The following MUC17 variants were observed in gnomAD, a reference collection of about 807,000 sequenced individuals.
The protein encoded by MUC17 is mucin-17.
MUC17 carries 190 observed loss-of-function variants against 170.3 expected under a neutral mutation model. The observed-to-expected ratio is 1.12, with a 90% CI of 0.99 to 1.26. The LOEUF (loss-of-function observed/expected upper bound fraction) is 1.26, where lower values mean the gene tolerates loss of function less well. MUC17 is among the 50% of genes most tolerant of loss of function. The pLI is 0.00. For missense variants in MUC17, 6,415 were observed against 5,530.0 expected, an observed-to-expected ratio of 1.16 and a Z score of -5.08; for synonymous variants, 2,325 against 2,002.5, an observed-to-expected ratio of 1.16 and a Z score of -4.30.
At chr7:101,031,039 A>T in intron 1 of MUC17, 81 bp from the exon 2 acceptor site, 1 of 1,474,382 alleles carries the variant, frequency 6.8e-7, no homozygotes, top group Non-Finnish European at 9.1e-7. Flanking sequence ...TTTCCAGGGC[A>T]GGGAGTAGAG....
chr7:101,049,218 A>G (rs1794893363), intron 5 of MUC17, 106 bp from the exon 6 acceptor site: 2 of 1,525,574 alleles, frequency 1.3e-6, no homozygotes, highest in African/African-American at 1.4e-5. Flanking sequence ...TGAGTGTGCT[A>G]TGATGCTGCG....
intron 1 of MUC17, among the ~76,000 whole-genome samples, chr7:101,020,448 T>C (rs1363063729): frequency 6.6e-6 from 1 of 152,128 alleles, no homozygotes; most frequent in Non-Finnish European, 1.5e-5. Flanking sequence ...TGAGCCTTAG[T>C]TTCCCCTTCC....
rs1011687137 is a variant in MUC17, at chr7:101,032,759, G to A, written c.1343G>A (p.Ser448Asn). The A allele has an allele frequency of 3.1e-6, 5 of 1,613,728 alleles. No homozygotes were observed. The South Asian group carries it at 3.3e-5, about 11-fold the overall frequency. Residue 448 changes from serine to asparagine, a missense_variant, in exon 3 of 13, where the codon AGT (serine) becomes AAT (asparagine). Physicochemically the swap from Ser to Asn is conservative, Grantham distance 46. Transcript: ENST00000306151. ...ACCAGCATTGCAACCTCAACTCCTA[G>A]TGAAGGAAGCACTCCATTAACAAGT... The part of the protein sequence containing the change: ...EDTSIATSTP[S>N]EGSTPLTSMP...
chr7:101,053,518 A>C (rs971848121), intron 11 of MUC17, 82 bp downstream of exon 11: 7 of 1,129,780 alleles, frequency 6.2e-6, no homozygotes, highest in African/African-American at 3.1e-5. Flanking sequence ...CTGTAATCCC[A>C]GCACTTTGAA....
At position 101,051,803 on chromosome 7, in the gene MUC17, A is replaced by G. The variant is rs1292868360; in HGVS notation, c.12944A>G (p.Glu4315Gly). The G allele has an allele frequency of 6.2e-7, 1 of 1,613,028 alleles. No homozygotes were observed. Among genetic ancestry groups the G allele is most frequent in the Admixed American group, 1.7e-5 (1 of 59,984 alleles). ...TCCCTGTCCCTGCACCCCCCACCAGAGGACTGCCGGAAGATGGCCAAGGAA... is the reference window on the plus strand; with the variant it reads ...TCCCTGTCCCTGCACCCCCCACCAGGGGACTGCCGGAAGATGGCCAAGGAA... ...NITVTQYDPE[E>G]DCRKMAKEYG... The change falls in exon 9 of 13, where the codon GAG becomes GGG. Residue 4315 changes from glutamate to glycine, a missense_variant and splice_region_variant. Glu to Gly is a moderately conservative substitution (Grantham distance 98). Transcript: ENST00000306151.
At position 101,034,744 on chromosome 7, in the gene MUC17, A is replaced by C. The variant is rs535755711; in HGVS notation, c.3328A>C (p.Thr1110Pro). Residue 1110 changes from threonine to proline, a missense_variant, in exon 3 of 13, where the codon ACC becomes CCC. Coordinates refer to ENST00000306151, the MANE Select transcript of MUC17 (RefSeq NM_001040105.2). ...TCCACTAACAAGTGTGCCTGTCAGC[A>C]CCAGGCTGGTGGTCAGTTCTGAGGC... Reference protein sequence around the residue: ...STPLTSVPVSTRLVVSSEAST... With the variant: ...STPLTSVPVSPRLVVSSEAST... The C allele has an allele frequency of 8.1e-6, 13 of 1,606,824 alleles. No homozygotes were observed. Among genetic ancestry groups the C allele is most frequent in the Non-Finnish European group, 1.1e-5 (13 of 1,176,020 alleles).
intron 10 of MUC17, 21 bp from the exon 11 acceptor site, chr7:101,053,318 C>G (rs1279482465): frequency 3.9e-5 from 63 of 1,607,116 alleles, no homozygotes; most frequent in Admixed American, 5.0e-5. Flanking sequence ...AATGGGGTCT[C>G]TCTGATGTTT....
At chr7:101,023,677 A>G (rs1023769133) in intron 1 of MUC17, among the ~76,000 whole-genome samples, 11 of 152,158 alleles carry the variant, frequency 7.2e-5, no homozygotes, top group Admixed American at 4.6e-4. Flanking sequence ...AAGTGTGGGG[A>G]TTACAGGCAT....
In MUC17 at chr7:101,035,036, C is replaced by T. The variant is rs1325289225; in HGVS notation, c.3620C>T (p.Thr1207Ile). ...ASSPPPTAEV[T>I]SMPTSTPGER... ...TCACCTCCTCCAACTGCTGAAGTTACCAGCATGCCAACCTCAACTCCTGGA... is the reference window on the plus strand; with the variant it reads ...TCACCTCCTCCAACTGCTGAAGTTATCAGCATGCCAACCTCAACTCCTGGA... Residue 1207 changes from threonine to isoleucine, a missense_variant, in exon 3 of 13, where the codon ACC becomes ATC. Thr to Ile is a moderately conservative substitution (Grantham distance 89). Transcript: ENST00000306151. 4.3e-6 allele frequency: 7 copies of T among 1,614,068 alleles called. No individual in the cohort carries two copies. The highest frequency in any genetic ancestry group is 1.3e-5 in the African/African-American group (1 of 74,946).
intron 1 of MUC17, among the ~76,000 whole-genome samples, chr7:101,030,876 G>A (rs573995108): frequency 1.2e-4 from 18 of 152,286 alleles, no homozygotes; most frequent in Admixed American, 8.5e-4. Context: ...CTGGAACTAC[G>A]GGCACATGCC....
rs1414894992 is a variant in MUC17 at position 101,034,992 on chromosome 7, C to T, written c.3576C>T (p.Ala1192=). 9 of 1,613,964 alleles carry T rather than the reference C, an allele frequency of 5.6e-6. No homozygotes were observed. The highest frequency in any genetic ancestry group is 7.6e-6 in the Non-Finnish European group (9 of 1,179,986). The change falls in exon 3 of 13, where the codon GCC becomes GCT. Residue 1192 remains alanine (A), a synonymous_variant. Coordinates refer to ENST00000306151, the MANE Select transcript of MUC17 (RefSeq NM_001040105.2). ...TTPVDSKTQV[A]TSTEASSPPP... is the part of the protein sequence containing the mutation. ...CTGTGGACTCCAAAACTCAGGTGGC[C>T]ACTTCTACTGAAGCCAGTTCACCTC...
In MUC17 at chr7:101,032,485, A is replaced by G; in HGVS notation, c.1069A>G (p.Thr357Ala). The G allele has an allele frequency of 6.2e-7, 1 of 1,613,742 alleles. No homozygotes were observed. Among genetic ancestry groups the G allele is most frequent in the Non-Finnish European group, 8.5e-7 (1 of 1,179,938 alleles). The change falls in exon 3 of 13, where the codon ACT becomes GCT. Residue 357 changes from threonine to alanine, a missense_variant. Transcript: ENST00000306151. ...TTCTGAAATGAGCACACTTTCAATA[A>G]CTCCTGTTGACACCAGCACACTTGT... is the stretch of plus-strand genomic sequence containing the variant. ...ATSEMSTLSITPVDTSTLVTT... is the reference protein window; with the variant it reads ...ATSEMSTLSIAPVDTSTLVTT...
At chr7:101,053,980 A>G (rs903332029) in intron 11 of MUC17, among the ~76,000 whole-genome samples, 3 of 139,924 alleles carry the variant, frequency 2.1e-5, no homozygotes, top group African/African-American at 7.8e-5. Context: ...GAATTGCTTG[A>G]GCCTGGGAGA....
intron 1 of MUC17, among the ~76,000 whole-genome samples, chr7:101,024,063 C>T (rs1299520079): frequency 6.6e-6 from 1 of 151,996 alleles, no homozygotes; most frequent in Non-Finnish European, 1.5e-5. Context: ...ATGGCCTTTG[C>T]CCACTTTTTG....
rs537852441 is a variant in MUC17 at position 101,046,373 on chromosome 7, A to G, written c.12404-1611A>G. ...AGTTTCAAGAAAAGCCAAAGAAAAC[A>G]GAGCTTTAGATTTTCCAGGTTGATT... On this transcript the variant is annotated intron_variant, in intron 3 of 12. Coordinates refer to ENST00000306151, the MANE Select transcript of MUC17 (RefSeq NM_001040105.2). Among the ~76,000 whole-genome samples the G allele has an allele frequency of 3.4e-3, 523 of 152,338 alleles. 4 individuals carry two copies. The highest frequency in any genetic ancestry group is 6.0e-3 in the Non-Finnish European group (409 of 68,032).
chr7:101,056,490 T>C (rs189561886), intron 12 of MUC17, among the ~76,000 whole-genome samples: 1 of 152,328 alleles, frequency 6.6e-6, no homozygotes. Flanking sequence ...CCCCTGAGGC[T>C]TCAGGTTCGG....
intron 7 of MUC17, 96 bp from the exon 8 acceptor site, chr7:101,051,517 A>G: frequency 8.1e-7 from 1 of 1,231,906 alleles, no homozygotes; most frequent in South Asian, 1.4e-5. Context: ...TCCCCATCGC[A>G]GCCCACCCCC....
chr7:101,051,786 C>T lies in MUC17; in HGVS notation c.12944-17C>T, dbSNP rs776769373. 2 of 1,611,440 alleles carry T rather than the reference C, an allele frequency of 1.2e-6. No individual in the cohort carries two copies. Among genetic ancestry groups the T allele is most frequent in the South Asian group, 1.1e-5 (1 of 90,840 alleles). On this transcript the variant is annotated splice_polypyrimidine_tract_variant and intron_variant, in intron 8 of 12. Transcript: ENST00000306151. ...CCTCTGATCACGGCTGTTCCCTGTC[C>T]CTGCACCCCCCACCAGAGGACTGCC...
chr7:101,025,779 G>A (rs1271739653), intron 1 of MUC17, among the ~76,000 whole-genome samples: 2 of 149,232 alleles, frequency 1.3e-5, no homozygotes, highest in Non-Finnish European at 3.0e-5. Flanking sequence ...GGGTGACAGA[G>A]CGAGATCTCT....
Sources: allele counts gnomAD v4.1 joint callset (sites outside exome capture counted in the v4.1 genomes callset), GRCh38; gene constraint gnomAD v4.1.1; transcripts MANE v1.5; gene names NCBI Gene and HGNC (gene_info 2026-07-23, HGNC 2026-07-21).